Variants in PPFIA2 observed in about 807,000 individuals in gnomAD.
PPFIA2 encodes PPFI scaffold protein A2, also known as liprin-alpha-2.
Under a neutral mutation model 175.5 loss-of-function variants are expected in PPFIA2, and 46 were observed. That is an observed-to-expected ratio of 0.26 (90% confidence interval 0.21 to 0.34). The LOEUF is 0.34. Among genes scored for constraint, PPFIA2 ranks in the 10% least tolerant of loss-of-function variants. The pLI is 1.00. For missense variants in PPFIA2, 1,179 were observed against 1,506.1 expected (o/e 0.78, Z 3.60); for synonymous variants, 568 against 511.4 (o/e 1.11, Z -1.49).
In PPFIA2 at chr12:81,631,293, C is replaced by G. The variant is rs538218924; in HGVS notation, c.303+45498G>C. 5.9e-5 allele frequency among the ~76,000 whole-genome samples: 9 copies of G among 152,062 alleles called. No homozygotes were observed. The South Asian group carries it at 1.7e-3, about 28-fold the overall frequency. On this transcript the variant is annotated intron_variant, in intron 4 of 32. Transcript: ENST00000549396. ...CCTAACAGAACATTTCCAGTTATTACAGTGAATATAAAATTTGGATTATGG... is the reference window on the plus strand; with the variant it reads ...CCTAACAGAACATTTCCAGTTATTAGAGTGAATATAAAATTTGGATTATGG...
chr12:81,428,918 C>T (rs568555621), intron 7 of PPFIA2, among the ~76,000 whole-genome samples: 1 of 152,142 alleles, frequency 6.6e-6, no homozygotes, highest in South Asian at 2.1e-4. Context: ...CCAAGGGTGT[C>T]ACTGTCCTAT....
Position 81,283,020 on chromosome 12 carries a change from C to T in PPFIA2, c.3008G>A (p.Ser1003Asn), listed in dbSNP as rs1392685159. The T allele has an allele frequency of 1.6e-5, 25 of 1,612,040 alleles. No individual in the cohort carries two copies. Among genetic ancestry groups the T allele is most frequent in the Non-Finnish European group, 2.1e-5 (25 of 1,178,638 alleles). ...ATATGAATCTCCTACCTGGGCCCAGCTTCCTTCCTCAGATTCTTTCTGTGT... is the reference window on the plus strand; with the variant it reads ...ATATGAATCTCCTACCTGGGCCCAGTTTCCTTCCTCAGATTCTTTCTGTGT... Reference protein sequence around the residue: ...PAKTKESEEGSWAQCPVFLQT... With the variant: ...PAKTKESEEGNWAQCPVFLQT... The change falls in exon 26 of 33, where the codon AGC becomes AAC. Residue 1003 changes from serine (S) to asparagine (N), a missense_variant. Ser to Asn is a conservative substitution (Grantham distance 46, BLOSUM62 1). Coordinates refer to ENST00000549396, the MANE Select transcript of PPFIA2 (RefSeq NM_003625.5).
chr12:81,314,025 A>C (rs2051669305), intron 22 of PPFIA2, among the ~76,000 whole-genome samples: 1 of 151,946 alleles, frequency 6.6e-6, no homozygotes, highest in African/African-American at 2.4e-5. Context: ...ATCAATTCGT[A>C]TAAATTATCT....
At chr12:81,375,995 T>C (rs1284230419) in intron 9 of PPFIA2, 53 bp from the exon 10 acceptor site, 2 of 1,470,266 alleles carry the variant, frequency 1.4e-6, no homozygotes, top group African/African-American at 1.4e-5. Flanking sequence ...ATTGTTTAAT[T>C]ATTGTCTTGT....
intron 4 of PPFIA2, among the ~76,000 whole-genome samples, chr12:81,600,703 C>T (rs944809902): frequency 6.6e-6 from 1 of 151,830 alleles, no homozygotes; most frequent in Non-Finnish European, 1.5e-5. Context: ...ATTCTAGATA[C>T]GTGTTAGGAT....
chr12:81,293,173 T>C (rs2045500816), intron 24 of PPFIA2, among the ~76,000 whole-genome samples: 1 of 152,080 alleles, frequency 6.6e-6, no homozygotes. Context: ...TTATGCTATA[T>C]AAGATATGAG....
chr12:81,441,634 A>C (rs912863773), intron 6 of PPFIA2, among the ~76,000 whole-genome samples: 1 of 152,118 alleles, frequency 6.6e-6, no homozygotes, highest in Admixed American at 6.6e-5. Flanking sequence ...TTTTTTATGA[A>C]TTTTGAATAC....
chr12:81,422,394 C>T (rs1463761523), intron 7 of PPFIA2, among the ~76,000 whole-genome samples: 1 of 151,880 alleles, frequency 6.6e-6, no homozygotes. Flanking sequence ...TAACTGTTTA[C>T]AGTGAAGTGT....
chr12:81,423,151 A>G (rs2046582066), intron 7 of PPFIA2, among the ~76,000 whole-genome samples: 1 of 152,172 alleles, frequency 6.6e-6, no homozygotes, highest in Non-Finnish European at 1.5e-5. Context: ...AAATATGTCC[A>G]TGAACCAATG....
chr12:81,723,332 A>T (rs1340076168), intron 3 of PPFIA2, among the ~76,000 whole-genome samples: 1 of 151,096 alleles, frequency 6.6e-6, no homozygotes, highest in African/African-American at 2.4e-5. Flanking sequence ...AAGCTGCCAC[A>T]TAATTTATGG....
At chr12:81,391,678 C>T (rs2040152050) in intron 8 of PPFIA2, among the ~76,000 whole-genome samples, 1 of 151,828 alleles carries the variant, frequency 6.6e-6, no homozygotes, top group African/African-American at 2.4e-5. Flanking sequence ...TTTGAATTTT[C>T]AATAAACAAT....
At chr12:81,270,159 C>A (rs1565826171) in intron 28 of PPFIA2, among the ~76,000 whole-genome samples, 1 of 152,168 alleles carries the variant, frequency 6.6e-6, no homozygotes, top group African/African-American at 2.4e-5. Flanking sequence ...GAATAAATAA[C>A]AAGGAATAGA....
chr12:81,453,021 T>A (rs1414431689), intron 5 of PPFIA2, among the ~76,000 whole-genome samples: 1 of 151,796 alleles, frequency 6.6e-6, no homozygotes, highest in African/African-American at 2.4e-5. Flanking sequence ...ATACTTTAAG[T>A]TTTAGGGTAC....
At chr12:81,581,148 CTT>C (rs5799542) in intron 4 of PPFIA2, among the ~76,000 whole-genome samples, 20 of 139,542 alleles carry the variant, frequency 1.4e-4, no homozygotes, top group Non-Finnish European at 1.9e-4. Context: ...GTCATAGACA[CTT>C]TTTTTTTTTT....
At chr12:81,713,923 A>T (rs1187190163) in intron 3 of PPFIA2, among the ~76,000 whole-genome samples, 1 of 151,248 alleles carries the variant, frequency 6.6e-6, no homozygotes, top group Non-Finnish European at 1.5e-5. Context: ...TTGATGAAAA[A>T]GTCGAAGATA....
chr12:81,673,696 A>AT (rs1327993042), intron 4 of PPFIA2, among the ~76,000 whole-genome samples: 5 of 151,968 alleles, frequency 3.3e-5, no homozygotes, highest in Admixed American at 6.6e-5. Flanking sequence ...AACAGATACT[A>AT]TTTTTTTCTC....
At chr12:81,627,027 T>C (rs927038722) in intron 4 of PPFIA2, among the ~76,000 whole-genome samples, 2 of 152,078 alleles carry the variant, frequency 1.3e-5, no homozygotes, top group Non-Finnish European at 2.9e-5. Flanking sequence ...TATCAATGAT[T>C]ATGCAAGGTC....
chr12:81,267,067 T>A, intron 29 of PPFIA2, 47 bp from the exon 30 acceptor site: 1 of 1,380,594 alleles, frequency 7.2e-7, no homozygotes, highest in East Asian at 2.3e-5. Flanking sequence ...CACATTTTAT[T>A]TTAAAAATCA....
At chr12:81,588,810 TA>T (rs2075636585) in intron 4 of PPFIA2, among the ~76,000 whole-genome samples, 2 of 152,220 alleles carry the variant, frequency 1.3e-5, no homozygotes, top group African/African-American at 4.8e-5. Flanking sequence ...ACTGTTTCAG[TA>T]GCTGCTTTAT....
Sources: gnomAD v4.1 joint callset for allele counts (sites outside exome capture counted in the v4.1 genomes callset) on GRCh38, gnomAD v4.1.1 for gene constraint, MANE v1.5 for transcripts, NCBI Gene and HGNC (gene_info 2026-07-23, HGNC 2026-07-21) for gene names.